The following WIPI2 variants were observed in gnomAD, a reference collection of about 807,000 sequenced individuals.
The protein encoded by WIPI2 is WD repeat domain, phosphoinositide interacting 2.
Under a neutral mutation model 52.3 loss-of-function variants are expected in WIPI2, and 28 were observed. The observed-to-expected ratio is 0.54, with a 90% CI of 0.40 to 0.73. WIPI2 has a LOEUF of 0.73. WIPI2 is among the 30% of genes least tolerant of loss of function. The pLI is 0.00. For missense variants in WIPI2, 506 were observed against 602.9 expected, an observed-to-expected ratio of 0.84 and a Z score of 1.68; for synonymous variants, 268 against 245.0, an observed-to-expected ratio of 1.09 and a Z score of -0.88.
chr7:5,197,778 C>G (rs1364121592), intron 2 of WIPI2, among the ~76,000 whole-genome samples: 1 of 152,192 alleles, frequency 6.6e-6, no homozygotes, highest in Non-Finnish European at 1.5e-5. Context: ...AAATGTGCCC[C>G]TTCCCTGTTT....
chr7:5,225,767 A>G, intron 8 of WIPI2, 56 bp from the exon 9 acceptor site: 2 of 1,329,900 alleles, frequency 1.5e-6, no homozygotes, highest in Non-Finnish European at 2.1e-6. Flanking sequence ...CTTGAGTTGA[A>G]CCCCTGGGGC....
At chr7:5,214,320 GC>G in intron 3 of WIPI2, 1 of 1,558,314 alleles carries the variant, frequency 6.4e-7, no homozygotes, top group Non-Finnish European at 8.7e-7. Flanking sequence ...CTCGTGAGGG[GC>G]CATCCTTAGA....
At chr7:5,219,993 G>A (rs970518796) in intron 7 of WIPI2, among the ~76,000 whole-genome samples, 14 of 150,288 alleles carry the variant, frequency 9.3e-5, no homozygotes, top group African/African-American at 3.4e-4. Flanking sequence ...CTGCCACCAC[G>A]CCCGGCTAAT....
intron 2 of WIPI2, among the ~76,000 whole-genome samples, chr7:5,197,108 T>C (rs1382631194): frequency 2.0e-5 from 1 of 49,736 alleles, no homozygotes; most frequent in Non-Finnish European, 3.2e-5. Context: ...CGGGACTCCG[T>C]CTCAAAAAAC....
chr7:5,227,099 G>A lies in WIPI2; in HGVS notation c.849-81G>A. ...GGAGACTTTTGCTGTCGGCTCCAGAGCTGTGCGTCTGTGTGAGTAGGGGGT... is the reference window on the plus strand; with the variant it reads ...GGAGACTTTTGCTGTCGGCTCCAGAACTGTGCGTCTGTGTGAGTAGGGGGT... On this transcript the variant is annotated intron_variant, in intron 9 of 12. Transcript: ENST00000288828. This position sits in a 1 kb window ranked among gnomAD's most constrained non-coding sequence, Gnocchi z 8.1. 6.4e-7 allele frequency: 1 copy of A among 1,562,182 alleles called. No individual in the cohort carries two copies. Among genetic ancestry groups the A allele is most frequent in the Non-Finnish European group, 8.7e-7 (1 of 1,148,194 alleles).
At chr7:5,219,399 G>A (rs776074276) in intron 7 of WIPI2, among the ~76,000 whole-genome samples, 1 of 152,092 alleles carries the variant, frequency 6.6e-6, no homozygotes, top group Non-Finnish European at 1.5e-5. Context: ...TTCTTTAGTA[G>A]CTCTTATAAA....
At chr7:5,211,598 G>A (rs1325687549) in intron 3 of WIPI2, among the ~76,000 whole-genome samples, 3 of 152,224 alleles carry the variant, frequency 2.0e-5, no homozygotes, top group African/African-American at 7.2e-5. Context: ...TGTGCATGTT[G>A]AGGAGCAGCC....
intron 1 of WIPI2, 159 bp downstream of exon 1, chr7:5,190,652 G>A: frequency 3.2e-6 from 2 of 621,698 alleles, no homozygotes; most frequent in Non-Finnish European, 4.7e-6. Flanking sequence ...GGGCGTGCAG[G>A]GAGGGGCGCC....
chr7:5,201,400 T>C (rs2115225397), intron 3 of WIPI2, among the ~76,000 whole-genome samples: 2 of 152,366 alleles, frequency 1.3e-5, no homozygotes, highest in African/African-American at 4.8e-5. Context: ...GTGCCTTATT[T>C]CCCAGAGATT....
chr7:5,198,760 T>A (rs1781874397), intron 2 of WIPI2, among the ~76,000 whole-genome samples: 1 of 152,238 alleles, frequency 6.6e-6, no homozygotes, highest in Non-Finnish European at 1.5e-5. Context: ...TGTTTTTTAG[T>A]ATTCTTATTT....
chr7:5,220,879 C>T (rs1466431463), intron 7 of WIPI2, among the ~76,000 whole-genome samples: 3 of 152,132 alleles, frequency 2.0e-5, no homozygotes, highest in African/African-American at 7.2e-5. Flanking sequence ...CTGCAGCCTC[C>T]ACCTCTGGGG....
rs970924984 is a variant in WIPI2, at chr7:5,231,795, G to A, written c.*848G>A. The A allele has an allele frequency of 5.5e-6, 1 of 182,288 alleles. No homozygotes were observed. Among genetic ancestry groups the A allele is most frequent in the African/African-American group, 2.4e-5 (1 of 42,448 alleles). The allele number at this position is 182,288 out of a possible 1,614,324, so 11.3% of individuals were successfully genotyped here. A position where few individuals can be genotyped will look rare whatever the true frequency, so the allele number is the denominator to read the frequency against. ...AAGTTTGTAGCTCCTCCCATGCCCAGGAAAGCACAGAACTCAAGTGTGGTG... is the reference window on the plus strand; with the variant it reads ...AAGTTTGTAGCTCCTCCCATGCCCAAGAAAGCACAGAACTCAAGTGTGGTG... On this transcript the variant is annotated 3_prime_UTR_variant, in exon 13 of 13. Coordinates refer to ENST00000288828, the MANE Select transcript of WIPI2 (RefSeq NM_015610.4).
chr7:5,200,196 C>G (rs1781955706), intron 3 of WIPI2, among the ~76,000 whole-genome samples: 1 of 152,010 alleles, frequency 6.6e-6, no homozygotes, highest in African/African-American at 2.4e-5. Context: ...TTATTTTTTG[C>G]AAAACAGAAA....
intron 7 of WIPI2, among the ~76,000 whole-genome samples, chr7:5,220,560 C>T (rs1363707892): frequency 6.6e-6 from 1 of 152,088 alleles, no homozygotes; most frequent in Non-Finnish European, 1.5e-5. Context: ...TTTACAAACA[C>T]AGAGATAGTG....
intron 6 of WIPI2, 68 bp from the exon 7 acceptor site, chr7:5,217,854 A>G: frequency 2.0e-6 from 3 of 1,524,544 alleles, no homozygotes; most frequent in Non-Finnish European, 2.7e-6. Flanking sequence ...CTTGCGGACC[A>G]AGTGTCAGCC....
intron 7 of WIPI2, among the ~76,000 whole-genome samples, chr7:5,219,562 T>G (rs1782990212): frequency 6.6e-6 from 1 of 152,158 alleles, no homozygotes; most frequent in Non-Finnish European, 1.5e-5. Flanking sequence ...CTGTCCCAGG[T>G]GCTGAGGCCC....
intron 3 of WIPI2, among the ~76,000 whole-genome samples, chr7:5,205,255 C>T (rs879294063): frequency 2.6e-5 from 4 of 152,118 alleles, no homozygotes; most frequent in Admixed American, 6.5e-5. Flanking sequence ...GGATTACAGG[C>T]GCGAGCCACT....
intron 7 of WIPI2, 66 bp downstream of exon 7, chr7:5,218,080 C>T: frequency 6.5e-7 from 1 of 1,535,332 alleles, no homozygotes; most frequent in East Asian, 2.3e-5. Context: ...CAGTTCTGTT[C>T]ACACAGCCAC....
intron 2 of WIPI2, among the ~76,000 whole-genome samples, chr7:5,197,614 A>G (rs1054350830): frequency 1.3e-5 from 2 of 152,142 alleles, no homozygotes; most frequent in African/African-American, 4.8e-5. Flanking sequence ...AATCAATGTG[A>G]TTTTACAGAT....
Sources: allele counts gnomAD v4.1 joint callset (sites outside exome capture counted in the v4.1 genomes callset), GRCh38; gene constraint gnomAD v4.1.1; non-coding constraint Gnocchi (gnomAD v3.1); transcripts MANE v1.5; gene names NCBI Gene and HGNC (gene_info 2026-07-23, HGNC 2026-07-21).